The following AZIN2 variants were observed in gnomAD, a reference collection of about 807,000 sequenced individuals.
AZIN2 encodes ODC antizyme inhibitor-2.
In AZIN2, 28 loss-of-function variants were observed where a neutral mutation model predicts 47.8. The observed-to-expected ratio is 0.59, with a 90% CI of 0.43 to 0.80. The LOEUF is 0.80. AZIN2 is among the 30% of genes least tolerant of loss of function. The pLI, the probability that AZIN2 is intolerant of heterozygous loss-of-function variation, is 0.00. For missense variants in AZIN2, 535 were observed against 582.5 expected (o/e 0.92, Z 0.84); for synonymous variants, 221 against 239.4 (o/e 0.92, Z 0.71).
chr1:33,117,410 T>C (rs757632979), intron 10 of AZIN2, among the ~76,000 whole-genome samples: 18 of 152,074 alleles, frequency 1.2e-4, no homozygotes, highest in Non-Finnish European at 2.4e-4. Context: ...GGAAGGGCTG[T>C]AGAGGTGTGG....
At chr1:33,105,485 C>T (rs1291693288) in intron 10 of AZIN2, among the ~76,000 whole-genome samples, 2 of 152,102 alleles carry the variant, frequency 1.3e-5, no homozygotes, top group African/African-American at 2.4e-5. Context: ...GATAGGGAGG[C>T]CTCAGGAAAC....
At chr1:33,139,470 A>C in the AZIN2 span, among the ~76,000 whole-genome samples, 1 of 152,184 alleles carries the variant, frequency 6.6e-6, no homozygotes, top group Admixed American at 6.5e-5. Flanking sequence ...GGGTCAGTGA[A>C]TCTCCTGGAC....
At chr1:33,147,621 C>T in the AZIN2 span, 1 of 1,614,068 alleles carries the variant, frequency 6.2e-7, no homozygotes, top group Non-Finnish European at 8.5e-7. This position sits in a 1 kb window ranked among gnomAD's most constrained non-coding sequence, Gnocchi z 8.1. Flanking sequence ...TTGGCGAGTC[C>T]TGCAGTGGCT....
At position 33,085,020 on chromosome 1, in the gene AZIN2, A is replaced by C. The variant is rs78175184; in HGVS notation, c.279+893A>C. ...TTGATAGACTGCTGTCCTTGAGTTGAATGCTTAGTTTATTTATTTCTATTC... is the reference window on the plus strand; with the variant it reads ...TTGATAGACTGCTGTCCTTGAGTTGCATGCTTAGTTTATTTATTTCTATTC... On this transcript the variant is annotated intron_variant, in intron 5 of 11. Transcript: ENST00000294517. 3.6e-3 allele frequency among the ~76,000 whole-genome samples: 544 copies of C among 152,330 alleles called. 22 individuals are homozygous for C. The East Asian group carries it at 0.092, about 26-fold the overall frequency.
chr1:33,131,793 A>G, the AZIN2 span, among the ~76,000 whole-genome samples: 1 of 152,128 alleles, frequency 6.6e-6, no homozygotes, highest in Admixed American at 6.6e-5. Flanking sequence ...CTCACATTAT[A>G]TTTATGTTGG....
At chr1:33,166,754 C>A in the AZIN2 span, among the ~76,000 whole-genome samples, 2 of 152,152 alleles carry the variant, frequency 1.3e-5, no homozygotes, top group Non-Finnish European at 2.9e-5. Context: ...ATCCACAACA[C>A]ACAAGATATC....
Sources: allele counts gnomAD v4.1 joint callset (sites outside exome capture counted in the v4.1 genomes callset), GRCh38; gene constraint gnomAD v4.1.1; non-coding constraint Gnocchi (gnomAD v3.1); transcripts MANE v1.5; gene names NCBI Gene and HGNC (gene_info 2026-07-23, HGNC 2026-07-21).